DOCK1: variants seen among roughly 807,000 people sequenced by gnomAD.
DOCK1 encodes the protein dedicator of cytokinesis protein 1.
A neutral mutation model predicts 262.7 loss-of-function variants in DOCK1; 138 were observed. The observed-to-expected ratio is 0.53, with a 90% CI of 0.46 to 0.61. The LOEUF (loss-of-function observed/expected upper bound fraction) is 0.61, where lower values mean the gene tolerates loss of function less well. Among genes scored for constraint, DOCK1 ranks in the 20% least tolerant of loss-of-function variants. The probability of loss-of-function intolerance (pLI) is 0.00; values close to 1 mark genes in which losing one functional copy is unlikely to be tolerated. For synonymous variants in DOCK1, 866 were observed against 867.4 expected, an observed-to-expected ratio of 1.00 and a Z score of 0.03; for missense variants, 1,908 against 2,370.7, an observed-to-expected ratio of 0.80 and a Z score of 4.05.
intron 38 of DOCK1, 33 bp downstream of exon 38, chr10:127,384,942 C>G: frequency 6.4e-7 from 1 of 1,550,974 alleles, no homozygotes; most frequent in Non-Finnish European, 8.7e-7. Flanking sequence ...CCTTGTTTTC[C>G]TCTTTCCATG....
In DOCK1 at chr10:127,083,094, A is replaced by G. The variant is rs571100156; in HGVS notation, c.2445+21318A>G. Among the ~76,000 whole-genome samples the G allele has an allele frequency of 2.6e-4, 40 of 152,284 alleles. No individual in the cohort carries two copies. In the South Asian group the frequency reaches 7.9e-3, roughly 30 times the overall value. On this transcript the variant is annotated intron_variant, in intron 23 of 51. Transcript: ENST00000623213. ...CCCAGAGTCCTCTGCAAAGGACACCATGTTTTCATTAAACACATAGAGGAG... is the reference window on the plus strand; with the variant it reads ...CCCAGAGTCCTCTGCAAAGGACACCGTGTTTTCATTAAACACATAGAGGAG...
intron 28 of DOCK1, among the ~76,000 whole-genome samples, chr10:127,253,651 A>G (rs2059729800): frequency 1.3e-5 from 2 of 152,106 alleles, no homozygotes; most frequent in African/African-American, 4.8e-5. Flanking sequence ...AAGCAGAAAG[A>G]TCTATTGAGC....
chr10:127,102,815 AG>A (rs2048325989), intron 23 of DOCK1, among the ~76,000 whole-genome samples: 1 of 152,210 alleles, frequency 6.6e-6, no homozygotes, highest in Non-Finnish European at 1.5e-5. Context: ...ACTCCAGCCC[AG>A]GCGGAAGAGT....
intron 29 of DOCK1, among the ~76,000 whole-genome samples, chr10:127,313,556 G>T (rs1305735644): frequency 6.6e-6 from 1 of 152,092 alleles, no homozygotes; most frequent in Non-Finnish European, 1.5e-5. Flanking sequence ...TATTGTTGTG[G>T]GCTTGCTTTA....
At chr10:127,039,805 G>A (rs1335886565) in intron 19 of DOCK1, among the ~76,000 whole-genome samples, 1 of 152,188 alleles carries the variant, frequency 6.6e-6, no homozygotes, top group Non-Finnish European at 1.5e-5. Context: ...CAGAGAGATG[G>A]CATTGCTTGG....
chr10:127,303,410 G>A (rs867535199), intron 29 of DOCK1, among the ~76,000 whole-genome samples: 9 of 152,174 alleles, frequency 5.9e-5, no homozygotes, highest in African/African-American at 1.9e-4. Context: ...GTTGAGAAGA[G>A]AGCTCAGAGG....
chr10:127,357,929 C>G (rs1318658910), intron 32 of DOCK1, among the ~76,000 whole-genome samples: 1 of 152,082 alleles, frequency 6.6e-6, no homozygotes, highest in Non-Finnish European at 1.5e-5. Context: ...CCAAGGCTGT[C>G]ACACTCCAAA....
At chr10:126,941,736 C>T (rs2134257365) in intron 1 of DOCK1, among the ~76,000 whole-genome samples, 1 of 151,894 alleles carries the variant, frequency 6.6e-6, no homozygotes, top group Admixed American at 6.6e-5. Context: ...GCCTGGGCGA[C>T]AGTGCGAGAC....
At chr10:127,034,335 C>A (rs1387449426) in intron 18 of DOCK1, among the ~76,000 whole-genome samples, 1 of 152,076 alleles carries the variant, frequency 6.6e-6, no homozygotes, top group Non-Finnish European at 1.5e-5. Context: ...TGCAGGGGAA[C>A]TTCTCTTTTT....
At chr10:126,972,297 GT>G (rs2038174528) in intron 2 of DOCK1, among the ~76,000 whole-genome samples, 1 of 151,990 alleles carries the variant, frequency 6.6e-6, no homozygotes, top group Admixed American at 6.6e-5. Context: ...CAGACAATTT[GT>G]TTTTATATTT....
chr10:127,450,736 C>A (rs2070902874), intron 51 of DOCK1, among the ~76,000 whole-genome samples: 1 of 152,142 alleles, frequency 6.6e-6, no homozygotes, highest in Non-Finnish European at 1.5e-5. Flanking sequence ...GTAATATATG[C>A]CCATGAGCTG....
At chr10:127,399,355 C>G (rs1168765670) in intron 38 of DOCK1, among the ~76,000 whole-genome samples, 1 of 152,140 alleles carries the variant, frequency 6.6e-6, no homozygotes, top group African/African-American at 2.4e-5. Context: ...TGCCTTCTCT[C>G]TGGCACGGAA....
intron 1 of DOCK1, among the ~76,000 whole-genome samples, chr10:126,954,685 T>C (rs2036589873): frequency 1.3e-5 from 2 of 152,250 alleles, no homozygotes; most frequent in Admixed American, 1.3e-4. Context: ...GATCACACGC[T>C]TCTGTCCTTT....
chr10:127,120,651 G>A (rs2049500587), intron 25 of DOCK1, among the ~76,000 whole-genome samples: 1 of 152,112 alleles, frequency 6.6e-6, no homozygotes, highest in Non-Finnish European at 1.5e-5. Flanking sequence ...TGAAAAATGA[G>A]ATTCACATAC....
At chr10:126,932,292 A>G (rs1266356670) in intron 1 of DOCK1, among the ~76,000 whole-genome samples, 2 of 152,214 alleles carry the variant, frequency 1.3e-5, no homozygotes, top group East Asian at 1.9e-4. Flanking sequence ...GCCTAGTCTC[A>G]GCTATGCCGA....
chr10:127,003,608 G>T (rs2040765506), intron 10 of DOCK1, among the ~76,000 whole-genome samples: 1 of 152,136 alleles, frequency 6.6e-6, no homozygotes, highest in Admixed American at 6.5e-5. Flanking sequence ...TGGCCTCTGT[G>T]CTCACTCCAG....
intron 18 of DOCK1, among the ~76,000 whole-genome samples, chr10:127,035,814 A>G (rs1443808167): frequency 2.0e-5 from 3 of 151,838 alleles, no homozygotes; most frequent in Admixed American, 1.3e-4. Flanking sequence ...GGTTAAGACC[A>G]GCCTGGGCAA....
chr10:126,917,151 C>T (rs1291376952), intron 1 of DOCK1, among the ~76,000 whole-genome samples: 1 of 152,200 alleles, frequency 6.6e-6, no homozygotes, highest in Admixed American at 6.5e-5. Context: ...TGGGCAACAC[C>T]CTGGAGTCGA....
chr10:127,336,658 G>T (rs1590538896), intron 29 of DOCK1, among the ~76,000 whole-genome samples: 1 of 151,626 alleles, frequency 6.6e-6, no homozygotes, highest in East Asian at 2.0e-4. Context: ...TCCTGCCTCA[G>T]CCTCCCAAGT....
Sources: gnomAD v4.1 joint callset for allele counts (sites outside exome capture counted in the v4.1 genomes callset) on GRCh38, gnomAD v4.1.1 for gene constraint, MANE v1.5 for transcripts, NCBI Gene and HGNC (gene_info 2026-07-23, HGNC 2026-07-21) for gene names.